The following ALK variants were observed in gnomAD, a reference collection of about 807,000 sequenced individuals.
The protein encoded by ALK is ALK tyrosine kinase receptor.
A neutral mutation model predicts 163.1 loss-of-function variants in ALK; 74 were observed. The observed-to-expected ratio is 0.45, with a 90% CI of 0.38 to 0.55. ALK has a LOEUF of 0.55. Among genes scored for constraint, ALK ranks in the 20% least tolerant of loss-of-function variants. The probability of loss-of-function intolerance (pLI) is 0.00; values close to 1 mark genes in which losing one functional copy is unlikely to be tolerated. For missense variants in ALK, 2,063 were observed against 2,105.3 expected (o/e 0.98, Z 0.39); for synonymous variants, 960 against 843.2 (o/e 1.14, Z -2.40).
chr2:29,794,796 T>G (rs1664266922), intron 1 of ALK, among the ~76,000 whole-genome samples: 1 of 152,162 alleles, frequency 6.6e-6, no homozygotes, highest in Non-Finnish European at 1.5e-5. Flanking sequence ...GTAACATCAA[T>G]GATCACCAAT....
chr2:29,647,006 T>C (rs1051956943), intron 3 of ALK, among the ~76,000 whole-genome samples: 3 of 152,192 alleles, frequency 2.0e-5, no homozygotes, highest in African/African-American at 7.2e-5. Context: ...AATCAATGTG[T>C]GTTGAACAAA....
intron 8 of ALK, among the ~76,000 whole-genome samples, chr2:29,314,606 A>C (rs1666778734): frequency 6.6e-6 from 1 of 152,170 alleles, no homozygotes; most frequent in Non-Finnish European, 1.5e-5. Flanking sequence ...GGGGGATCCC[A>C]TCTCATTTTT....
chr2:29,539,158 A>G (rs901377057), intron 3 of ALK, among the ~76,000 whole-genome samples: 1 of 152,186 alleles, frequency 6.6e-6, no homozygotes, highest in Non-Finnish European at 1.5e-5. Context: ...TGGAAAATCA[A>G]TAAACAGATC....
chr2:29,524,259 G>A (rs1050121483), intron 4 of ALK, among the ~76,000 whole-genome samples: 3 of 152,200 alleles, frequency 2.0e-5, no homozygotes, highest in Non-Finnish European at 4.4e-5. Context: ...AAAAAGGTGT[G>A]CAACCCAAAG....
At chr2:29,626,618 A>G (rs1194510957) in intron 3 of ALK, among the ~76,000 whole-genome samples, 2 of 152,276 alleles carry the variant, frequency 1.3e-5, no homozygotes, top group East Asian at 3.9e-4. Flanking sequence ...TCCTGTAATA[A>G]GAGGAAGTGA....
At chr2:29,553,954 C>G (rs1673778740) in intron 3 of ALK, among the ~76,000 whole-genome samples, 1 of 152,118 alleles carries the variant, frequency 6.6e-6, no homozygotes, top group Non-Finnish European at 1.5e-5. Flanking sequence ...TCTTAATTAA[C>G]CCTTTATCTA....
rs779796155 is a variant in ALK at position 29,197,657 on chromosome 2, A to T, written c.3958T>A (p.Trp1320Arg). 6.2e-7 allele frequency: 1 copy of T among 1,614,024 alleles called. No individual in the cohort carries two copies. Among genetic ancestry groups the T allele is most frequent in the Non-Finnish European group, 8.5e-7 (1 of 1,179,982 alleles). ...ATATATCCAAGAGAAAAGATTTCCC[A>T]TAGCAGCACTCCAAAGGACCTGGGC... Reference protein sequence around the residue: ...TDTWSFGVLLWEIFSLGYMPY... With the variant: ...TDTWSFGVLLREIFSLGYMPY... Residue 1320 changes from tryptophan to arginine, a missense_variant, in exon 27 of 29, where the codon TGG (tryptophan) becomes AGG (arginine). Physicochemically the swap from Trp to Arg is moderately radical, Grantham distance 101. This residue lies in a region of ALK where 83 missense variants were observed against 139.7 expected (regional missense o/e 0.59). Transcript: ENST00000389048.
intron 4 of ALK, among the ~76,000 whole-genome samples, chr2:29,390,642 C>G (rs1669145493): frequency 6.6e-6 from 1 of 151,590 alleles, no homozygotes; most frequent in East Asian, 1.9e-4. Flanking sequence ...AAACACACAA[C>G]TTTCAAATTT....
chr2:29,499,027 T>C (rs1038852430), intron 4 of ALK, among the ~76,000 whole-genome samples: 1 of 152,208 alleles, frequency 6.6e-6, no homozygotes, highest in African/African-American at 2.4e-5. Context: ...GGCTTGTTAG[T>C]TAAGTTCATG....
intron 1 of ALK, among the ~76,000 whole-genome samples, chr2:29,901,261 T>C (rs974553412): frequency 3.3e-5 from 5 of 152,338 alleles, no homozygotes; most frequent in South Asian, 2.1e-4. Context: ...TGGCATGTAA[T>C]AGATGTTCAA....
intron 1 of ALK, among the ~76,000 whole-genome samples, chr2:29,919,449 T>A (rs1011825150): frequency 6.6e-6 from 1 of 151,324 alleles, no homozygotes; most frequent in Non-Finnish European, 1.5e-5. Context: ...AGGGGGAGAA[T>A]AAATAAATAA....
intron 9 of ALK, among the ~76,000 whole-genome samples, chr2:29,288,875 C>A (rs1665931787): frequency 6.7e-6 from 1 of 149,748 alleles, no homozygotes; most frequent in Non-Finnish European, 1.5e-5. Flanking sequence ...TCGCTTGAAC[C>A]CAGGAGGTGG....
chr2:29,317,146 AACCACCACCCTG>A (rs1428222813), intron 8 of ALK, among the ~76,000 whole-genome samples: 1 of 152,196 alleles, frequency 6.6e-6, no homozygotes, highest in Non-Finnish European at 1.5e-5. Flanking sequence ...CTGGCCACAG[AACCACCACCCTG>A]GGATTTCTAT....
At chr2:29,671,435 C>T (rs2148270530) in intron 3 of ALK, among the ~76,000 whole-genome samples, 1 of 152,174 alleles carries the variant, frequency 6.6e-6, no homozygotes, top group South Asian at 2.1e-4. Context: ...CTGGAGACGG[C>T]AGTCCTACCT....
At chr2:29,344,729 G>T (rs1667896633) in intron 5 of ALK, among the ~76,000 whole-genome samples, 1 of 152,230 alleles carries the variant, frequency 6.6e-6, no homozygotes, top group South Asian at 2.1e-4. Flanking sequence ...ATGCTCTGGA[G>T]TATTTGTTGC....
At position 29,792,994 on chromosome 2, in the gene ALK, G is replaced by A. The variant is rs776754820; in HGVS notation, c.668-75297C>T. On this transcript the variant is annotated intron_variant, in intron 1 of 28. Coordinates refer to ENST00000389048, the MANE Select transcript of ALK (RefSeq NM_004304.5). Reference sequence around the variant, plus strand: ...TCCATTGACTCTTCCTTTCATGAAAGATTTCTCTGTAGCATATGATGCTGT... The same window carrying A: ...TCCATTGACTCTTCCTTTCATGAAAAATTTCTCTGTAGCATATGATGCTGT... Among the ~76,000 whole-genome samples the A allele has an allele frequency of 7.3e-5, 11 of 150,106 alleles. 1 individual carries two copies. Among genetic ancestry groups the A allele is most frequent in the Non-Finnish European group, 1.2e-4 (8 of 67,540 alleles).
At chr2:29,500,614 G>C (rs1337854305) in intron 4 of ALK, among the ~76,000 whole-genome samples, 1 of 151,520 alleles carries the variant, frequency 6.6e-6, no homozygotes, top group Non-Finnish European at 1.5e-5. Context: ...TCTAGTCCCT[G>C]ACTTCACCTC....
Position 29,196,638 on chromosome 2 carries a change from A to G in ALK, c.4164+132T>C. 4 of 768,946 alleles carry G rather than the reference A, an allele frequency of 5.2e-6. No individual in the cohort carries two copies. In the South Asian group the frequency reaches 5.9e-5, roughly 11 times the overall value. 47.6% of individuals were successfully genotyped at this position (768,946 alleles called of 1,614,324 possible). A position where few individuals can be genotyped will look rare whatever the true frequency, so the allele number is the denominator to read the frequency against. On this transcript the variant is annotated intron_variant, in intron 28 of 28. Transcript: ENST00000389048. ...ACACCAGTCATTTCATTTTAGAGAA[A>G]ATTAATTTTCACTATTTTGATCATA...
chr2:29,496,885 G>A (rs1260576117), intron 4 of ALK, among the ~76,000 whole-genome samples: 2 of 152,174 alleles, frequency 1.3e-5, no homozygotes, highest in Admixed American at 6.5e-5. Flanking sequence ...CAAAAAGGTT[G>A]TTGTAAGGAT....
Sources: gnomAD v4.1 joint callset for allele counts (sites outside exome capture counted in the v4.1 genomes callset) on GRCh38, gnomAD v4.1.1 for gene constraint, gnomAD v4.1.1 regional missense constraint, MANE v1.5 for transcripts, NCBI Gene and HGNC (gene_info 2026-07-23, HGNC 2026-07-21) for gene names.